The following NPLOC4 variants were observed in gnomAD, a reference collection of about 807,000 sequenced individuals.
NPLOC4 encodes the protein NPL4 homolog, ubiquitin recognition factor.
Under a neutral mutation model 80.6 loss-of-function variants are expected in NPLOC4, and 18 were observed. The ratio of observed to expected loss-of-function variants is 0.22; its 90% CI spans 0.15 to 0.33. NPLOC4 has a LOEUF of 0.33. Among genes scored for constraint, NPLOC4 ranks in the 10% least tolerant of loss-of-function variants. NPLOC4 has a pLI of 1.00. For synonymous variants in NPLOC4, 313 were observed against 301.5 expected (o/e 1.04, Z -0.39); for missense variants, 540 against 786.1 (o/e 0.69, Z 3.74).
intron 1 of NPLOC4, 88 bp from the exon 2 acceptor site, chr17:81,629,893 C>G: frequency 1.1e-6 from 1 of 950,840 alleles, no homozygotes. Context: ...CTTTTAGCAT[C>G]TGGGTCACTG....
rs117067321 is a variant in NPLOC4, at chr17:81,603,716, C to G, written c.834+832G>C. On this transcript the variant is annotated intron_variant, in intron 8 of 16. Transcript: ENST00000331134. ...TGAACATTTCCTATGCACTATCTGT[C>G]CCTCTAGTCACCCATCAATTCATTT... is the stretch of plus-strand genomic sequence containing the variant. Among the ~76,000 whole-genome samples the G allele has an allele frequency of 1.8e-3, 271 of 152,296 alleles. 2 individuals are homozygous for G. The highest frequency in any genetic ancestry group is 2.9e-3 in the Non-Finnish European group (195 of 68,028).
intron 16 of NPLOC4, chr17:81,564,095 C>T (rs1368235889): frequency 3.0e-6 from 1 of 337,006 alleles, no homozygotes; most frequent in East Asian, 8.4e-5. Context: ...CACACACACA[C>T]ACACACACAC....
Position 81,558,205 on chromosome 17 carries a change from G to A in NPLOC4, c.*1054C>T, listed in dbSNP as rs1044813637. 4.6e-5 allele frequency: 7 copies of A among 152,316 alleles called. No individual in the cohort carries two copies. Among genetic ancestry groups the A allele is most frequent in the African/African-American group, 1.7e-4 (7 of 41,452 alleles). 9.4% of individuals were successfully genotyped at this position (152,316 alleles called of 1,614,324 possible). A position where few individuals can be genotyped will look rare whatever the true frequency, so the allele number is the denominator to read the frequency against. On this transcript the variant is annotated 3_prime_UTR_variant, in exon 17 of 17. Transcript: ENST00000331134. ...ATTGGTACACTATCAATTGTGCAGT[G>A]CCCCAGGGAGGTCCCAAATGGCCCT...
At chr17:81,620,855 A>T (rs1017204792) in intron 3 of NPLOC4, among the ~76,000 whole-genome samples, 12 of 152,040 alleles carry the variant, frequency 7.9e-5, no homozygotes, top group East Asian at 1.9e-4. Flanking sequence ...ACTTTTTTTT[A>T]AAAAATTACC....
intron 3 of NPLOC4, among the ~76,000 whole-genome samples, chr17:81,619,457 G>C (rs1472515539): frequency 6.6e-6 from 1 of 151,406 alleles, no homozygotes; most frequent in South Asian, 2.1e-4. Context: ...GCTAAGGCAG[G>C]AGAATCGCTT....
chr17:81,624,424 A>C (rs1320245082), intron 2 of NPLOC4, among the ~76,000 whole-genome samples: 1 of 152,066 alleles, frequency 6.6e-6, no homozygotes, highest in Non-Finnish European at 1.5e-5. Flanking sequence ...GTCTCAAAAA[A>C]ACAAAAACAA....
rs1039004128 is a variant in NPLOC4, at chr17:81,580,410, CAG to C, written c.1282-8324_1282-8323del. ...CTTTTCCAGCTCCGAGCCCAGCAGC[CAG>C]AGTGATCGTCTCACAGCCCCGGCAC... is the stretch of plus-strand genomic sequence containing the variant. On this transcript the variant is annotated intron_variant, in intron 12 of 16. Transcript: ENST00000331134. The surrounding 1 kb of genome is among the most constrained non-coding windows in gnomAD (Gnocchi z 4.4). Among the ~76,000 whole-genome samples the C allele has an allele frequency of 6.6e-6, 1 of 152,178 alleles. No homozygotes were observed. The highest frequency in any genetic ancestry group is 1.5e-5 in the Non-Finnish European group (1 of 68,038).
chr17:81,622,067 T>G (rs912590821), intron 3 of NPLOC4, 99 bp downstream of exon 3: 2 of 795,858 alleles, frequency 2.5e-6, no homozygotes, highest in East Asian at 4.9e-5. Flanking sequence ...CCATAATGAG[T>G]GGTGTGATGA....
chr17:81,634,379 C>A (rs1053400258), intron 1 of NPLOC4, among the ~76,000 whole-genome samples: 1 of 151,984 alleles, frequency 6.6e-6, no homozygotes, highest in African/African-American at 2.4e-5. Flanking sequence ...TGTTTTAATT[C>A]CTCACAATCT....
intron 6 of NPLOC4, among the ~76,000 whole-genome samples, chr17:81,607,223 T>C (rs1293154466): frequency 6.6e-6 from 1 of 152,226 alleles, no homozygotes; most frequent in Non-Finnish European, 1.5e-5. Context: ...ACTTAGATAT[T>C]TGTAAAAAAT....
intron 12 of NPLOC4, among the ~76,000 whole-genome samples, chr17:81,585,083 T>C (rs754689814): frequency 6.9e-6 from 1 of 144,102 alleles, no homozygotes; most frequent in Non-Finnish European, 1.5e-5. Flanking sequence ...GGCAGAAGAA[T>C]TGCTTGAACC....
intron 16 of NPLOC4, 147 bp from the exon 17 acceptor site, chr17:81,559,563 A>C (rs1460979308): frequency 5.9e-6 from 5 of 845,268 alleles, no homozygotes; most frequent in Non-Finnish European, 9.1e-6. Flanking sequence ...CAGCACTCCC[A>C]CCACAGGCAC....
chr17:81,637,052 C>A lies in NPLOC4; in HGVS notation c.-122G>T, dbSNP rs923782079. The A allele has an allele frequency of 1.9e-6, 1 of 516,532 alleles. No individual in the cohort carries two copies. The highest frequency in any genetic ancestry group is 4.9e-5 in the Admixed American group (1 of 20,610). The allele number at this position is 516,532 out of a possible 1,614,324, so 32.0% of individuals were successfully genotyped here. A position where few individuals can be genotyped will look rare whatever the true frequency, so the allele number is the denominator to read the frequency against. On this transcript the variant is annotated 5_prime_UTR_variant, in exon 1 of 17. Transcript: ENST00000331134. Reference sequence around the variant, plus strand: ...GGCCTCCCTACGCCGCCGCCACCGCCGCTCCAGCTTCGCCCGCCCGGCTCC... The same window carrying A: ...GGCCTCCCTACGCCGCCGCCACCGCAGCTCCAGCTTCGCCCGCCCGGCTCC...
At chr17:81,598,234 C>A (rs942261224) in intron 9 of NPLOC4, among the ~76,000 whole-genome samples, 6 of 152,120 alleles carry the variant, frequency 3.9e-5, no homozygotes, top group Admixed American at 1.3e-4. Context: ...AAGTAAGATG[C>A]CAGGCCACAC....
chr17:81,620,069 A>C (rs1474467672), intron 3 of NPLOC4, among the ~76,000 whole-genome samples: 1 of 152,228 alleles, frequency 6.6e-6, no homozygotes, highest in Non-Finnish European at 1.5e-5. Context: ...CAATGGACCA[A>C]GTTCCTCAAC....
intron 1 of NPLOC4, among the ~76,000 whole-genome samples, chr17:81,632,383 G>C (rs62074742): frequency 6.7e-6 from 1 of 148,828 alleles, no homozygotes; most frequent in African/African-American, 2.5e-5. Context: ...CGTGATCTCG[G>C]CTCACTGCAA....
At chr17:81,591,143 A>G (rs982663451) in intron 11 of NPLOC4, among the ~76,000 whole-genome samples, 11 of 151,988 alleles carry the variant, frequency 7.2e-5, no homozygotes, top group African/African-American at 2.7e-4. Flanking sequence ...CACCATGAAA[A>G]CCTGGACTGG....
At chr17:81,564,970 T>C (rs2033965845) in intron 16 of NPLOC4, 1 of 316,492 alleles carries the variant, frequency 3.2e-6, no homozygotes, top group South Asian at 3.4e-5. Context: ...GAGGAGTCCC[T>C]GCAGCAATGC....
intron 3 of NPLOC4, among the ~76,000 whole-genome samples, chr17:81,616,170 A>T (rs2035478752): frequency 1.3e-5 from 2 of 151,390 alleles, no homozygotes; most frequent in South Asian, 2.1e-4. Context: ...TAAAAAAAAA[A>T]ATTAGCCGGG....
Sources: allele counts gnomAD v4.1 joint callset (sites outside exome capture counted in the v4.1 genomes callset), GRCh38; gene constraint gnomAD v4.1.1; non-coding constraint Gnocchi (gnomAD v3.1); transcripts MANE v1.5; gene names NCBI Gene and HGNC (gene_info 2026-07-23, HGNC 2026-07-21).